The following GSE1 variants were observed in gnomAD, a reference collection of about 807,000 sequenced individuals.
The protein encoded by GSE1 is Gse1 coiled-coil protein.
GSE1 carries 32 observed loss-of-function variants against 112.6 expected under a neutral mutation model. The observed-to-expected ratio is 0.28, with a 90% CI of 0.21 to 0.38. GSE1 has a LOEUF of 0.38. GSE1 is among the 10% of genes least tolerant of loss of function. GSE1 has a pLI of 1.00. For missense variants in GSE1, 2,348 were observed against 1,699.2 expected, an observed-to-expected ratio of 1.38 and a Z score of -6.71; for synonymous variants, 1,115 against 735.6, an observed-to-expected ratio of 1.52 and a Z score of -8.35.
chr16:85,578,193 G>A (rs941738726), intron 1 of GSE1, among the ~76,000 whole-genome samples: 2 of 152,260 alleles, frequency 1.3e-5, no homozygotes, highest in Admixed American at 6.5e-5. Flanking sequence ...GATATTGTGC[G>A]CTGACACCTG....
intron 1 of GSE1, among the ~76,000 whole-genome samples, chr16:85,222,168 C>G (rs2075405577): frequency 6.6e-6 from 1 of 152,230 alleles, no homozygotes; most frequent in Admixed American, 6.5e-5. Context: ...CCCTGTGGCT[C>G]TGGTGGAGCA....
At chr16:85,570,911 T>G (rs775672291) in intron 1 of GSE1, among the ~76,000 whole-genome samples, 7 of 152,148 alleles carry the variant, frequency 4.6e-5, no homozygotes, top group Non-Finnish European at 8.8e-5. Flanking sequence ...CTCCAGGCGC[T>G]TGGAGGATGG....
rs1452652945 is a variant in GSE1, at chr16:85,359,551, C to T, written c.2464+1908C>T. 14 of 374,762 alleles carry T rather than the reference C, an allele frequency of 3.7e-5. No homozygotes were observed. In the East Asian group the frequency reaches 4.5e-4, roughly 12 times the overall value. The allele number at this position is 374,762 out of a possible 1,614,324, so 23.2% of individuals were successfully genotyped here. On this transcript the variant is annotated intron_variant, in intron 2 of 2. Transcript: ENST00000637419. The stretch of plus-strand genomic sequence containing the variant: ...TAATAGTAGGTGTTGGTAGAGGTTT[C>T]GTGGCAACCTCGTGAGCTGATGCTT...
chr16:85,626,005 G>T (rs2151673906), intron 1 of GSE1, among the ~76,000 whole-genome samples: 1 of 152,240 alleles, frequency 6.6e-6, no homozygotes, highest in African/African-American at 2.4e-5. Flanking sequence ...TCCAGGTCAG[G>T]ATCCTGGCCA....
At chr16:85,181,011 G>T (rs541120058) in intron 1 of GSE1, among the ~76,000 whole-genome samples, 1 of 152,298 alleles carries the variant, frequency 6.6e-6, no homozygotes, top group South Asian at 2.1e-4. Flanking sequence ...AGATTGTGTC[G>T]TATTTTACAT....
rs1033716416 is a variant in GSE1, at chr16:85,668,160, G to A, written c.3151G>A (p.Ala1051Thr). Residue 1051 changes from alanine to threonine, a missense_variant, in exon 14 of 16, where the codon GCA (alanine) becomes ACA (threonine). Coordinates refer to ENST00000253458, the MANE Select transcript of GSE1 (RefSeq NM_014615.5). ...KHKGSVAVLS[A>T]EQNHKVDTSV... ...CACAGGGAGCGTGGCTGTGCTGTCT[G>A]CAGAGCAGAACCACAAGGTTGACAC... 16 of 1,596,854 alleles carry A rather than the reference G, an allele frequency of 1.0e-5. No homozygotes were observed. In the African/African-American group the frequency reaches 1.6e-4, roughly 16 times the overall value.
At chr16:85,378,344 C>T (rs1027899629) in intron 2 of GSE1, among the ~76,000 whole-genome samples, 1 of 152,158 alleles carries the variant, frequency 6.6e-6, no homozygotes, top group Non-Finnish European at 1.5e-5. Flanking sequence ...GGGGCAGCCT[C>T]CTGGGGGCAG....
intron 2 of GSE1, among the ~76,000 whole-genome samples, chr16:85,476,645 T>TTTAG (rs1480879199): frequency 6.6e-6 from 1 of 151,788 alleles, no homozygotes; most frequent in Non-Finnish European, 1.5e-5. Context: ...CATTTATTTA[T>TTTAG]TTATTTTTGA....
chr16:85,619,258 T>G (rs1475981759), intron 1 of GSE1, among the ~76,000 whole-genome samples: 2 of 152,196 alleles, frequency 1.3e-5, no homozygotes, highest in Non-Finnish European at 2.9e-5. Flanking sequence ...CCCCCAGCCC[T>G]GCCCTTCCTG....
chr16:85,540,695 G>A (rs1029804699), intron 2 of GSE1, among the ~76,000 whole-genome samples: 18 of 152,106 alleles, frequency 1.2e-4, no homozygotes, highest in African/African-American at 3.4e-4. Context: ...AGGTAGGATC[G>A]CTTGAGCCCA....
At chr16:85,430,884 G>C (rs1295093559) in intron 2 of GSE1, among the ~76,000 whole-genome samples, 1 of 152,220 alleles carries the variant, frequency 6.6e-6, no homozygotes, top group African/African-American at 2.4e-5. Flanking sequence ...AGACACTGCA[G>C]GTCAGCGTGA....
chr16:85,379,760 C>T (rs777652390), intron 2 of GSE1, among the ~76,000 whole-genome samples: 26 of 152,240 alleles, frequency 1.7e-4, no homozygotes, highest in Non-Finnish European at 2.6e-4. Flanking sequence ...CTACTGGATC[C>T]TGGGCCCTGC....
At chr16:85,511,469 A>G (rs2151933214) in intron 2 of GSE1, among the ~76,000 whole-genome samples, 1 of 151,194 alleles carries the variant, frequency 6.6e-6, no homozygotes, top group Middle Eastern at 3.4e-3. Context: ...CGGAGGTTGC[A>G]GTGAGTCGAG....
At chr16:85,541,813 G>A (rs114198880) in intron 2 of GSE1, among the ~76,000 whole-genome samples, 3 of 152,186 alleles carry the variant, frequency 2.0e-5, no homozygotes, top group Non-Finnish European at 4.4e-5. Context: ...TCCCTGCCTC[G>A]CTGCTTGTCC....
intron 2 of GSE1, among the ~76,000 whole-genome samples, chr16:85,487,906 G>A (rs954235286): frequency 6.6e-6 from 1 of 152,214 alleles, no homozygotes; most frequent in African/African-American, 2.4e-5. Context: ...TCGGGGCAAG[G>A]GTGACCCACC....
chr16:85,431,502 G>A (rs752862159), intron 2 of GSE1, among the ~76,000 whole-genome samples: 103 of 152,356 alleles, frequency 6.8e-4, no homozygotes, highest in Middle Eastern at 6.8e-3. Context: ...CACTTGCAGA[G>A]CGCGTCTCTG....
intron 2 of GSE1, among the ~76,000 whole-genome samples, chr16:85,422,895 C>T (rs985826912): frequency 9.2e-5 from 14 of 152,232 alleles, no homozygotes; most frequent in African/African-American, 3.1e-4. Context: ...GGGGTGGGGC[C>T]GCACCCCGCT....
At chr16:85,661,068 G>C in intron 8 of GSE1, 78 bp from the exon 9 acceptor site, 1 of 1,385,876 alleles carries the variant, frequency 7.2e-7, no homozygotes. Flanking sequence ...CATCTTAGGA[G>C]CGGCAGGCAG....
chr16:85,353,834 C>T (rs1053839283), intron 1 of GSE1, among the ~76,000 whole-genome samples: 1 of 152,250 alleles, frequency 6.6e-6, no homozygotes, highest in African/African-American at 2.4e-5. Flanking sequence ...AGTTTCCCCT[C>T]CTGGCCCCTG....
Sources: gnomAD v4.1 joint callset for allele counts (sites outside exome capture counted in the v4.1 genomes callset) on GRCh38, gnomAD v4.1.1 for gene constraint, MANE v1.5 for transcripts, NCBI Gene and HGNC (gene_info 2026-07-23, HGNC 2026-07-21) for gene names.